The following COL21A1 variants were observed in gnomAD, a reference collection of about 807,000 sequenced individuals.
COL21A1 encodes the protein collagen type XXI alpha 1 chain, also known as collagen alpha-1(XXI) chain.
COL21A1 carries 149 observed loss-of-function variants against 137.9 expected under a neutral mutation model. That is an observed-to-expected ratio of 1.08 (90% CI 0.95 to 1.24). The LOEUF is 1.24. COL21A1 is among the 50% of genes most tolerant of loss of function. The probability of loss-of-function intolerance (pLI) is 0.00; values close to 1 mark genes in which losing one functional copy is unlikely to be tolerated. For missense variants in COL21A1, 1,167 were observed against 1,158.4 expected, an observed-to-expected ratio of 1.01 and a Z score of -0.11; for synonymous variants, 456 against 391.5, an observed-to-expected ratio of 1.16 and a Z score of -1.95.
At chr6:56,263,963 TACACAAACACACACACACAC>T (rs1027026166) in intron 1 of COL21A1, among the ~76,000 whole-genome samples, 1 of 126,406 alleles carries the variant, frequency 7.9e-6, no homozygotes, top group Admixed American at 7.1e-5. Context: ...ACCACTCTCA[TACACAAACACACACACACAC>T]ACACAAACAC....
chr6:56,282,352 T>A (rs1032442636), intron 1 of COL21A1, among the ~76,000 whole-genome samples: 2 of 117,464 alleles, frequency 1.7e-5, no homozygotes, highest in Non-Finnish European at 3.5e-5. Context: ...GATTTTGTTT[T>A]TTCTCATACG....
intron 1 of COL21A1, among the ~76,000 whole-genome samples, chr6:56,194,334 A>G (rs886571834): frequency 6.6e-6 from 1 of 152,222 alleles, no homozygotes; most frequent in African/African-American, 2.4e-5. Context: ...TGTTTCATAA[A>G]TATTTCATTA....
chr6:56,203,540 A>G (rs1779544898), intron 1 of COL21A1, among the ~76,000 whole-genome samples: 1 of 152,254 alleles, frequency 6.6e-6, no homozygotes, highest in Non-Finnish European at 1.5e-5. Context: ...TGTGAGACAT[A>G]AGACAGATAT....
intron 1 of COL21A1, among the ~76,000 whole-genome samples, chr6:56,268,018 TGGAGC>T (rs1763434352): frequency 6.6e-6 from 1 of 152,128 alleles, no homozygotes; most frequent in Admixed American, 6.5e-5. Context: ...CCAGCACAAC[TGGAGC>T]TAGATCCCAA....
At chr6:56,319,090 C>T (rs1764809894) in intron 1 of COL21A1, among the ~76,000 whole-genome samples, 1 of 152,188 alleles carries the variant, frequency 6.6e-6, no homozygotes, top group South Asian at 2.1e-4. Flanking sequence ...CAGTTGATCG[C>T]ACCCTTCTCT....
chr6:56,352,877 C>T (rs376337779), intron 1 of COL21A1, among the ~76,000 whole-genome samples: 1 of 152,186 alleles, frequency 6.6e-6, no homozygotes, highest in African/African-American at 2.4e-5. Flanking sequence ...CCTATCTCTA[C>T]TAAAAATACA....
In COL21A1 at chr6:56,170,982, C is replaced by A. The variant is rs766630871; in HGVS notation, c.787G>T (p.Val263Phe). The stretch of plus-strand genomic sequence containing the variant: ...TACCTTGTGAGTTCTGATAAATCAA[C>A]TTTTGATGTTACTTCATATCCTTTT... ...KIKGYEVTSK[V>F]DLSELTSNVF... The change falls in exon 4 of 30, where the codon GTT (valine) becomes TTT (phenylalanine). Residue 263 changes from valine to phenylalanine, a missense_variant. Transcript: ENST00000244728. The A allele has an allele frequency of 4.4e-5, 71 of 1,603,570 alleles. 1 individual carries two copies. In the Admixed American group the frequency reaches 6.0e-4, roughly 14 times the overall value.
In COL21A1 at chr6:56,283,717, C is replaced by T. The variant is rs540875092; in HGVS notation, c.-38-101061G>A. ...AAAACCGTGTGCAAACTTCACGAAG[C>T]TATGAGTAGCCATTTGGAGGAGGAA... On this transcript the variant is annotated intron_variant, in intron 1 of 28. Coordinates refer to the COL21A1 transcript ENST00000370819. Among the ~76,000 whole-genome samples, 65 of 152,164 alleles carry T rather than the reference C, an allele frequency of 4.3e-4. 1 individual carries two copies. In the South Asian group the frequency reaches 0.013, roughly 32 times the overall value.
At chr6:56,107,427 GAAAA>G (rs556628156) in intron 16 of COL21A1, among the ~76,000 whole-genome samples, 2 of 145,862 alleles carry the variant, frequency 1.4e-5, no homozygotes, top group African/African-American at 5.0e-5. Flanking sequence ...GAACATTCCA[GAAAA>G]AAAAAAATCC....
chr6:56,086,713 C>T (rs1047118417), intron 17 of COL21A1, among the ~76,000 whole-genome samples: 37 of 152,044 alleles, frequency 2.4e-4, no homozygotes, highest in African/African-American at 8.7e-4. Context: ...TGTGAAAGCA[C>T]ACTGTAATTT....
chr6:56,164,342 C>A, intron 9 of COL21A1, 81 bp downstream of exon 9: 1 of 897,418 alleles, frequency 1.1e-6, no homozygotes. Flanking sequence ...TCAACAGGAT[C>A]AATGGTGATT....
intron 17 of COL21A1, among the ~76,000 whole-genome samples, chr6:56,078,376 A>T (rs1401022136): frequency 6.6e-6 from 1 of 151,524 alleles, no homozygotes; most frequent in East Asian, 1.9e-4. Context: ...CTTAGCACCT[A>T]TTTTGGTGAC....
At chr6:56,099,354 C>A (rs984558373) in intron 17 of COL21A1, among the ~76,000 whole-genome samples, 21 of 151,216 alleles carry the variant, frequency 1.4e-4, no homozygotes, top group African/African-American at 4.9e-4. Flanking sequence ...CGGCCTCAGC[C>A]CCTCTCCGAG....
intron 1 of COL21A1, among the ~76,000 whole-genome samples, chr6:56,234,519 C>T (rs1781782156): frequency 6.6e-6 from 1 of 151,796 alleles, no homozygotes; most frequent in African/African-American, 2.4e-5. Flanking sequence ...TCTAAAGACA[C>T]ATTTACTGTT....
At chr6:56,299,473 T>C (rs1764233247) in intron 1 of COL21A1, among the ~76,000 whole-genome samples, 2 of 152,098 alleles carry the variant, frequency 1.3e-5, no homozygotes, top group Middle Eastern at 3.2e-3. Context: ...TTGATAACAT[T>C]ATGTAATTTT....
intron 1 of COL21A1, among the ~76,000 whole-genome samples, chr6:56,328,182 C>T (rs1377934455): frequency 6.6e-6 from 1 of 152,042 alleles, no homozygotes; most frequent in Non-Finnish European, 1.5e-5. Context: ...AGTATGTAAA[C>T]TTGTCTTTTC....
At chr6:56,305,695 C>T (rs144289433) in intron 1 of COL21A1, among the ~76,000 whole-genome samples, 343 of 152,234 alleles carry the variant, frequency 2.3e-3, no homozygotes, top group African/African-American at 7.8e-3. Context: ...TCCAATTTGC[C>T]AGTCTGTGCC....
At chr6:56,070,565 T>C (rs1445341186) in intron 21 of COL21A1, among the ~76,000 whole-genome samples, 180 bp downstream of exon 21, 2 of 151,558 alleles carry the variant, frequency 1.3e-5, no homozygotes, top group Non-Finnish European at 3.0e-5. Flanking sequence ...TGACAAAGTA[T>C]CTAAAAAACA....
At chr6:56,164,399 A>C (rs1451140994) in intron 9 of COL21A1, 24 bp downstream of exon 9, 1 of 1,486,606 alleles carries the variant, frequency 6.7e-7, no homozygotes, top group Non-Finnish European at 9.2e-7. Context: ...TTTTAACAAA[A>C]ACAGCAAGTT....
Sources: allele counts gnomAD v4.1 joint callset (sites outside exome capture counted in the v4.1 genomes callset), GRCh38; gene constraint gnomAD v4.1.1; transcripts MANE v1.5; gene names NCBI Gene and HGNC (gene_info 2026-07-23, HGNC 2026-07-21).